The following ATP6V1C2 variants were observed in gnomAD, a reference collection of about 807,000 sequenced individuals.
The protein encoded by ATP6V1C2 is V-type proton ATPase subunit C 2.
ATP6V1C2 carries 45 observed loss-of-function variants against 56.8 expected under a neutral mutation model. The observed-to-expected ratio is 0.79, with a 90% CI of 0.62 to 1.02. The LOEUF (loss-of-function observed/expected upper bound fraction) is 1.02, where lower values mean the gene tolerates loss of function less well. ATP6V1C2 is among the 50% of genes least tolerant of loss of function. ATP6V1C2 has a pLI of 0.00. For missense variants in ATP6V1C2, 463 were observed against 519.7 expected, an observed-to-expected ratio of 0.89 and a Z score of 1.06; for synonymous variants, 220 against 201.3, an observed-to-expected ratio of 1.09 and a Z score of -0.79.
chr2:10,772,569 C>A lies in ATP6V1C2; in HGVS notation c.597C>A (p.Thr199=), dbSNP rs773952573. 1 of 1,613,964 alleles carries A rather than the reference C, an allele frequency of 6.2e-7. No homozygotes were observed. The highest frequency in any genetic ancestry group is 8.5e-7 in the Non-Finnish European group (1 of 1,179,996). The stretch of plus-strand genomic sequence containing the variant: ...CAAACTACTCACAATGGCAAAAAAC[C>A]TACGAATCTCTCTCAGACATGGTGG... ...PKPNYSQWQK[T]YESLSDMVVP... The change falls in exon 8 of 14, where the codon ACC becomes ACA. Residue 199 remains threonine, a synonymous_variant. Coordinates refer to ENST00000272238, the MANE Select transcript of ATP6V1C2 (RefSeq NM_001039362.2).
chr2:10,765,968 C>T (rs757768720), intron 5 of ATP6V1C2, among the ~76,000 whole-genome samples: 4 of 152,186 alleles, frequency 2.6e-5, no homozygotes. Context: ...CAGATGTGCC[C>T]GAGACTGTGC....
In ATP6V1C2 at chr2:10,780,187, C is replaced by A. The variant is rs1665262594; in HGVS notation, c.1061+1518C>A. On this transcript the variant is annotated intron_variant, in intron 12 of 13. Coordinates refer to ENST00000272238, the MANE Select transcript of ATP6V1C2 (RefSeq NM_001039362.2). This position sits in a 1 kb window ranked among gnomAD's most constrained non-coding sequence, Gnocchi z 4.1. Reference sequence around the variant, plus strand: ...CTTTACCTGGGTATCTGTCTCATCTCCCCTCCCGCACCCCTTCCTCTGCTT... The same window carrying A: ...CTTTACCTGGGTATCTGTCTCATCTACCCTCCCGCACCCCTTCCTCTGCTT... 1.3e-5 allele frequency among the ~76,000 whole-genome samples: 2 copies of A among 152,178 alleles called. No individual in the cohort carries two copies. The highest frequency in any genetic ancestry group is 2.1e-4 in the South Asian group (1 of 4,832).
intron 3 of ATP6V1C2, among the ~76,000 whole-genome samples, chr2:10,741,619 G>A (rs931628645): frequency 5.3e-5 from 8 of 152,166 alleles, no homozygotes; most frequent in African/African-American, 1.9e-4. Flanking sequence ...CTGCTTTCAC[G>A]GATGGAGACT....
chr2:10,759,450 G>A (rs1161519450), intron 4 of ATP6V1C2, among the ~76,000 whole-genome samples: 3 of 152,184 alleles, frequency 2.0e-5, no homozygotes, highest in Admixed American at 6.5e-5. Context: ...CTGCCGGGCA[G>A]GCCTCCTTTT....
chr2:10,777,772 C>T (rs1665094181), intron 11 of ATP6V1C2, 50 bp downstream of exon 11: 1 of 1,565,834 alleles, frequency 6.4e-7, no homozygotes, highest in East Asian at 2.3e-5. Context: ...ATCTCCTCGC[C>T]AGCTCAGGCG....
intron 12 of ATP6V1C2, among the ~76,000 whole-genome samples, 196 bp downstream of exon 12, chr2:10,778,865 C>T (rs1158414654): frequency 6.6e-6 from 1 of 152,218 alleles, no homozygotes; most frequent in African/African-American, 2.4e-5. Flanking sequence ...CTGTCTGCTC[C>T]CTCCGTTCCT....
intron 5 of ATP6V1C2, among the ~76,000 whole-genome samples, chr2:10,764,662 A>G (rs1558413819): frequency 1.3e-5 from 2 of 152,146 alleles, no homozygotes; most frequent in African/African-American, 4.8e-5. Context: ...TTGCTGCTCC[A>G]CTTCTTTTTT....
intron 10 of ATP6V1C2, among the ~76,000 whole-genome samples, chr2:10,776,761 C>T (rs114349491): frequency 6.6e-6 from 1 of 152,166 alleles, no homozygotes; most frequent in East Asian, 1.9e-4. Context: ...CCAGGCCTGC[C>T]AGACCCCCGG....
intron 4 of ATP6V1C2, among the ~76,000 whole-genome samples, chr2:10,757,781 T>C (rs986428119): frequency 6.6e-6 from 1 of 152,240 alleles, no homozygotes; most frequent in African/African-American, 2.4e-5. Flanking sequence ...CCTGACACGA[T>C]GTCCCGACTG....
At chr2:10,769,612 G>A (rs1465623050) in intron 6 of ATP6V1C2, among the ~76,000 whole-genome samples, 1 of 152,178 alleles carries the variant, frequency 6.6e-6, no homozygotes, top group African/African-American at 2.4e-5. Flanking sequence ...GCTGAGGCAC[G>A]AGGATCACTT....
chr2:10,753,615 T>C (rs563011926), intron 3 of ATP6V1C2, among the ~76,000 whole-genome samples: 74 of 149,886 alleles, frequency 4.9e-4, no homozygotes, highest in African/African-American at 1.6e-3. Flanking sequence ...CACTGCAACC[T>C]CCACCTCCCG....
intron 3 of ATP6V1C2, among the ~76,000 whole-genome samples, chr2:10,741,945 C>T (rs568585366): frequency 7.6e-5 from 11 of 144,870 alleles, no homozygotes; most frequent in Admixed American, 1.4e-4. Flanking sequence ...GAGTCTCGCC[C>T]TGTGGCTTAG....
intron 3 of ATP6V1C2, among the ~76,000 whole-genome samples, chr2:10,742,161 C>T (rs564756205): frequency 2.6e-5 from 4 of 152,264 alleles, no homozygotes; most frequent in African/African-American, 7.2e-5. Flanking sequence ...CTGCCCACCT[C>T]GGCCTCCCAA....
At position 10,755,063 on chromosome 2, in the gene ATP6V1C2, G is replaced by T. The variant is rs140487032; in HGVS notation, c.283+997G>T. 3.2e-3 allele frequency among the ~76,000 whole-genome samples: 483 copies of T among 152,130 alleles called. 4 individuals are homozygous for T. Among genetic ancestry groups the T allele is most frequent in the African/African-American group, 0.011 (442 of 41,502 alleles). ...ACGGAGTTTTTCTCGTGTTGCCCAGGCTGGAGTGCAATGGCACAATCTCGG... is the reference window on the plus strand; with the variant it reads ...ACGGAGTTTTTCTCGTGTTGCCCAGTCTGGAGTGCAATGGCACAATCTCGG... On this transcript the variant is annotated intron_variant, in intron 4 of 13. Transcript: ENST00000272238.
intron 5 of ATP6V1C2, among the ~76,000 whole-genome samples, chr2:10,765,996 C>T (rs918168867): frequency 4.6e-5 from 7 of 152,190 alleles, no homozygotes; most frequent in South Asian, 2.1e-4. Context: ...TCTTACTGTC[C>T]GCCTCATGCC....
chr2:10,732,206 CCTT>C (rs1661987006), intron 3 of ATP6V1C2, among the ~76,000 whole-genome samples: 1 of 151,870 alleles, frequency 6.6e-6, no homozygotes, highest in Non-Finnish European at 1.5e-5. Flanking sequence ...TTTCGCTTTC[CCTT>C]CTTCCCTCCA....
chr2:10,729,498 GT>G (rs1185523543), intron 3 of ATP6V1C2, among the ~76,000 whole-genome samples: 2 of 152,098 alleles, frequency 1.3e-5, no homozygotes, highest in African/African-American at 4.8e-5. Flanking sequence ...ATTATATTGT[GT>G]TTACAGTGTG....
At chr2:10,761,507 G>A (rs1213333187) in intron 4 of ATP6V1C2, among the ~76,000 whole-genome samples, 6 of 152,142 alleles carry the variant, frequency 3.9e-5, no homozygotes, top group Admixed American at 3.9e-4. Flanking sequence ...CCCATTGTGT[G>A]TGGCAATACC....
At chr2:10,732,891 A>T (rs1305542587) in intron 3 of ATP6V1C2, among the ~76,000 whole-genome samples, 1 of 151,750 alleles carries the variant, frequency 6.6e-6, no homozygotes, top group Non-Finnish European at 1.5e-5. Context: ...GAATTGCTTG[A>T]AACCAGGAGG....
Sources: gnomAD v4.1 joint callset for allele counts (sites outside exome capture counted in the v4.1 genomes callset) on GRCh38, gnomAD v4.1.1 for gene constraint, Gnocchi (gnomAD v3.1) non-coding constraint, MANE v1.5 for transcripts, NCBI Gene and HGNC (gene_info 2026-07-23, HGNC 2026-07-21) for gene names.